Variants in WWOX observed in about 807,000 individuals in gnomAD.
WWOX encodes WW domain containing oxidoreductase.
A neutral mutation model predicts 46.2 loss-of-function variants in WWOX; 69 were observed. The ratio of observed to expected loss-of-function variants is 1.49; its 90% CI spans 1.23 to 1.82. The LOEUF (loss-of-function observed/expected upper bound fraction) is 1.82. WWOX is among the 40% of genes most tolerant of loss of function. The pLI is 0.00. For missense variants in WWOX, 919 were observed against 542.6 expected (o/e 1.69, Z -6.89); for synonymous variants, 359 against 202.6 (o/e 1.77, Z -6.56).
chr16:78,106,659 G>C (rs57206085), intron 1 of WWOX, among the ~76,000 whole-genome samples: 3 of 152,120 alleles, frequency 2.0e-5, no homozygotes, highest in East Asian at 3.9e-4. Flanking sequence ...CAGGTAATCC[G>C]CCTGCCTTGC....
chr16:78,832,298 C>G (rs1242886821), intron 8 of WWOX, among the ~76,000 whole-genome samples: 1 of 152,226 alleles, frequency 6.6e-6, no homozygotes, highest in Non-Finnish European at 1.5e-5. Flanking sequence ...AATATGTCAT[C>G]TGGTCTCCCA....
At chr16:79,080,090 T>C (rs767682989) in intron 8 of WWOX, among the ~76,000 whole-genome samples, 3 of 152,194 alleles carry the variant, frequency 2.0e-5, no homozygotes, top group Non-Finnish European at 4.4e-5. Flanking sequence ...GATTATTGGT[T>C]GTGAGTAATA....
At chr16:78,505,670 C>T (rs1439025859) in intron 8 of WWOX, among the ~76,000 whole-genome samples, 3 of 152,062 alleles carry the variant, frequency 2.0e-5, no homozygotes, top group Non-Finnish European at 4.4e-5. Context: ...TGGCTAGCAA[C>T]ACCCTCATTC....
rs551505600 is a variant in WWOX, at chr16:79,151,292, G to T, written c.1057-60316G>T. Among the ~76,000 whole-genome samples, 4 of 152,274 alleles carry T rather than the reference G, an allele frequency of 2.6e-5. No homozygotes were observed. The South Asian group carries it at 8.3e-4, about 32-fold the overall frequency. ...CCTTTGAGGTTCTTTCCAAGTAAAG[G>T]CGTTATTCTTTGTGGTGTGCTCCTG... On this transcript the variant is annotated intron_variant, in intron 8 of 8. Transcript: ENST00000566780.
intron 8 of WWOX, among the ~76,000 whole-genome samples, chr16:78,627,919 G>A (rs2046346460): frequency 6.6e-6 from 1 of 152,222 alleles, no homozygotes; most frequent in African/African-American, 2.4e-5. Context: ...GAACTTGTCT[G>A]GAATCTTGTT....
Position 79,031,825 on chromosome 16 carries a change from T to C in WWOX, c.1057-179783T>C, listed in dbSNP as rs1837816316. Reference sequence around the variant, plus strand: ...ATATCTATATAATATATATAATCTATATATGATATATATATCTTATTATAT... The same window carrying C: ...ATATCTATATAATATATATAATCTACATATGATATATATATCTTATTATAT... On this transcript the variant is annotated intron_variant, in intron 8 of 8. Transcript: ENST00000566780. 4.5e-5 allele frequency among the ~76,000 whole-genome samples: 5 copies of C among 110,704 alleles called. No individual in the cohort carries two copies. In the South Asian group the frequency reaches 1.3e-3, roughly 29 times the overall value. The allele number at this position is 110,704 out of a possible 152,430, so 72.6% of individuals were successfully genotyped here.
chr16:78,880,958 T>A (rs1468600032), intron 8 of WWOX, among the ~76,000 whole-genome samples: 2 of 151,840 alleles, frequency 1.3e-5, no homozygotes, highest in Non-Finnish European at 1.5e-5. Flanking sequence ...TGAGTCTATC[T>A]TTCGGTCCCC....
At chr16:78,576,675 T>A (rs892520896) in intron 8 of WWOX, among the ~76,000 whole-genome samples, 3 of 152,086 alleles carry the variant, frequency 2.0e-5, no homozygotes, top group Non-Finnish European at 2.9e-5. Context: ...TCTACTCACA[T>A]AAAAATATTA....
intron 8 of WWOX, among the ~76,000 whole-genome samples, chr16:78,827,949 C>A (rs973952647): frequency 6.6e-6 from 1 of 152,290 alleles, no homozygotes; most frequent in Middle Eastern, 3.4e-3. Flanking sequence ...GGGGGCTAAG[C>A]TGGTTGACAT....
At chr16:78,575,114 A>C (rs1597291372) in intron 8 of WWOX, among the ~76,000 whole-genome samples, 2 of 89,856 alleles carry the variant, frequency 2.2e-5, no homozygotes, top group Admixed American at 1.5e-4. Flanking sequence ...TGTCATGGAA[A>C]GCCTTAAAGT....
chr16:79,210,676 G>A (rs1447892930), intron 8 of WWOX, among the ~76,000 whole-genome samples: 1 of 152,184 alleles, frequency 6.6e-6, no homozygotes, highest in African/African-American at 2.4e-5. Flanking sequence ...GAGACGTGCC[G>A]ACCATGTCTC....
intron 8 of WWOX, among the ~76,000 whole-genome samples, chr16:78,801,180 G>C (rs1216062959): frequency 1.3e-5 from 2 of 151,810 alleles, no homozygotes; most frequent in Non-Finnish European, 2.9e-5. Context: ...ATCTCAAGTG[G>C]TTTCTACCTC....
At chr16:78,646,262 C>T (rs2046839586) in intron 8 of WWOX, among the ~76,000 whole-genome samples, 1 of 152,048 alleles carries the variant, frequency 6.6e-6, no homozygotes. Context: ...TCCATCAATC[C>T]TCTTGCTTCC....
intron 8 of WWOX, among the ~76,000 whole-genome samples, chr16:79,155,120 G>A (rs910182104): frequency 2.0e-5 from 3 of 152,246 alleles, no homozygotes; most frequent in African/African-American, 7.2e-5. Flanking sequence ...GCTCACGCCT[G>A]TAATCCCAGC....
chr16:78,807,834 AC>A (rs1771961785), intron 8 of WWOX, among the ~76,000 whole-genome samples: 1 of 152,238 alleles, frequency 6.6e-6, no homozygotes, highest in South Asian at 2.1e-4. Flanking sequence ...AAGTTGTATA[AC>A]ATTTGTAAAA....
At chr16:78,760,167 A>T (rs904517729) in intron 8 of WWOX, among the ~76,000 whole-genome samples, 2 of 152,160 alleles carry the variant, frequency 1.3e-5, no homozygotes, top group African/African-American at 2.4e-5. Context: ...CACATCTCAC[A>T]CGGCAGCAGA....
At chr16:79,177,510 A>C (rs1246968314) in intron 8 of WWOX, among the ~76,000 whole-genome samples, 1 of 152,158 alleles carries the variant, frequency 6.6e-6, no homozygotes, top group African/African-American at 2.4e-5. Flanking sequence ...AGATCCCTCA[A>C]ATCCCTCTCC....
intron 5 of WWOX, among the ~76,000 whole-genome samples, chr16:78,249,113 A>G (rs1311537017): frequency 1.3e-5 from 2 of 151,976 alleles, no homozygotes; most frequent in Non-Finnish European, 2.9e-5. Context: ...TCGACCTCCC[A>G]AAGTGCTGAG....
At chr16:78,491,548 C>T (rs59005780) in intron 8 of WWOX, among the ~76,000 whole-genome samples, 2,406 of 152,158 alleles carry the variant, frequency 0.016, 46 homozygotes, top group African/African-American at 0.048. Flanking sequence ...CTGCAGCCTC[C>T]GCCTCCCAGG....
Sources: gnomAD v4.1 joint callset for allele counts (sites outside exome capture counted in the v4.1 genomes callset) on GRCh38, gnomAD v4.1.1 for gene constraint, MANE v1.5 for transcripts, NCBI Gene and HGNC (gene_info 2026-07-23, HGNC 2026-07-21) for gene names.